THSD7A: variants seen among roughly 807,000 people sequenced by gnomAD.
THSD7A encodes thrombospondin type-1 domain-containing protein 7A.
Under a neutral mutation model 231.3 loss-of-function variants are expected in THSD7A, and 96 were observed. The observed-to-expected ratio is 0.41, with a 90% CI of 0.35 to 0.49. The LOEUF (loss-of-function observed/expected upper bound fraction) is 0.49. Ranked by LOEUF, THSD7A falls within the 20% of genes least tolerant of loss-of-function variation. THSD7A has a pLI of 0.05. For missense variants in THSD7A, 2,290 were observed against 2,070.2 expected (o/e 1.11, Z -2.06); for synonymous variants, 940 against 743.3 (o/e 1.26, Z -4.30).
chr7:11,379,376 T>C (rs1369051565), intron 25 of THSD7A, 96 bp from the exon 26 acceptor site: 2 of 1,257,772 alleles, frequency 1.6e-6, no homozygotes, highest in African/African-American at 3.0e-5. Flanking sequence ...CAAGGTTTGT[T>C]TTGGGAATTA....
Position 11,459,951 on chromosome 7 carries a change from T to C in THSD7A, c.2605+711A>G, listed in dbSNP as rs151166963. On this transcript the variant is annotated intron_variant, in intron 11 of 27. Transcript: ENST00000423059. ...AGGAGCTGTATGCTATAAGTCAATA[T>C]GAGTAAAAATAATCATGTGCTCTTT... Among the ~76,000 whole-genome samples, 471 of 152,194 alleles carry C rather than the reference T, an allele frequency of 3.1e-3. 2 individuals are homozygous for C. Among genetic ancestry groups the C allele is most frequent in the African/African-American group, 0.011 (459 of 41,550 alleles).
At chr7:11,687,709 G>T (rs1780101915) in intron 1 of THSD7A, among the ~76,000 whole-genome samples, 1 of 151,830 alleles carries the variant, frequency 6.6e-6, no homozygotes, top group Non-Finnish European at 1.5e-5. Context: ...TAGAATGCCA[G>T]TGTCAAATAT....
At chr7:11,562,265 T>A (rs1037172949) in intron 4 of THSD7A, among the ~76,000 whole-genome samples, 1 of 147,836 alleles carries the variant, frequency 6.8e-6, no homozygotes, top group Non-Finnish European at 1.5e-5. Flanking sequence ...TTTTTCTAAA[T>A]CATAAAAATA....
intron 1 of THSD7A, among the ~76,000 whole-genome samples, chr7:11,826,812 C>CAAAAAAAA (rs3037773): frequency 8.3e-6 from 1 of 120,796 alleles, no homozygotes. Flanking sequence ...GCCTCTGTCT[C>CAAAAAAAA]AAAAAAAAAA....
intron 1 of THSD7A, among the ~76,000 whole-genome samples, chr7:11,771,799 C>T (rs1317387629): frequency 1.4e-4 from 21 of 152,210 alleles, no homozygotes; most frequent in African/African-American, 2.4e-4. Flanking sequence ...TGGATCATGG[C>T]GGTAGATCTT....
chr7:11,592,368 C>T (rs530140899), intron 3 of THSD7A, among the ~76,000 whole-genome samples: 1 of 152,194 alleles, frequency 6.6e-6, no homozygotes, highest in South Asian at 2.1e-4. Context: ...TGGAATAATC[C>T]AGAGATGCTC....
intron 1 of THSD7A, among the ~76,000 whole-genome samples, chr7:11,775,272 A>G (rs1334462523): frequency 1.3e-5 from 2 of 152,200 alleles, no homozygotes; most frequent in African/African-American, 2.4e-5. Flanking sequence ...AGCAGCCTCT[A>G]TGAACAACAG....
At position 11,710,159 on chromosome 7, in the gene THSD7A, G is replaced by A. The variant is rs538880752; in HGVS notation, c.191-73198C>T. 4.0e-5 allele frequency among the ~76,000 whole-genome samples: 6 copies of A among 150,820 alleles called. No homozygotes were observed. In the East Asian group the frequency reaches 1.2e-3, roughly 30 times the overall value. ...GTGGTTTCAGTAAGTATAGGGTGAA[G>A]CCTAAGAATCTGCATTTTTAACAAG... On this transcript the variant is annotated intron_variant, in intron 1 of 27. Coordinates refer to ENST00000423059, the MANE Select transcript of THSD7A (RefSeq NM_015204.3).
intron 1 of THSD7A, among the ~76,000 whole-genome samples, chr7:11,645,782 C>T (rs764167698): frequency 6.6e-6 from 1 of 151,642 alleles, no homozygotes; most frequent in African/African-American, 2.4e-5. Flanking sequence ...TTACATCAAG[C>T]AGTAGATATA....
At chr7:11,493,499 G>T (rs2128308145) in intron 6 of THSD7A, among the ~76,000 whole-genome samples, 1 of 152,148 alleles carries the variant, frequency 6.6e-6, no homozygotes, top group South Asian at 2.1e-4. Flanking sequence ...CATTTTTAAA[G>T]GTCCCTAATG....
At position 11,632,235 on chromosome 7, in the gene THSD7A, C is replaced by G. The variant is rs886913123; in HGVS notation, c.1022+3895G>C. ...TAACAATGTACAGTTGGTATATTTA[C>G]TAAATATTCTAGACAAGCACAACTA... On this transcript the variant is annotated intron_variant, in intron 2 of 27. Transcript: ENST00000423059. This position sits in a 1 kb window ranked among gnomAD's most constrained non-coding sequence, Gnocchi z 4.1. Among the ~76,000 whole-genome samples, 1 of 152,034 alleles carries G rather than the reference C, an allele frequency of 6.6e-6. No homozygotes were observed. The highest frequency in any genetic ancestry group is 1.5e-5 in the Non-Finnish European group (1 of 67,998).
chr7:11,617,941 C>T (rs559496066), intron 2 of THSD7A, among the ~76,000 whole-genome samples: 1 of 152,090 alleles, frequency 6.6e-6, no homozygotes, highest in Non-Finnish European at 1.5e-5. Context: ...ACATATGTAA[C>T]AAACCTGCAC....
chr7:11,392,527 G>A (rs1384499349), intron 23 of THSD7A, among the ~76,000 whole-genome samples: 1 of 152,106 alleles, frequency 6.6e-6, no homozygotes, highest in African/African-American at 2.4e-5. Flanking sequence ...GCACCAGCAG[G>A]ACCGAACTAT....
chr7:11,567,611 C>G (rs1361766792), intron 4 of THSD7A, among the ~76,000 whole-genome samples: 1 of 152,118 alleles, frequency 6.6e-6, no homozygotes, highest in African/African-American at 2.4e-5. Context: ...TTAAAACTAC[C>G]GATAGCTGGA....
Position 11,447,425 on chromosome 7 carries a change from C to A in THSD7A, c.2606-1G>T. The A allele has an allele frequency of 6.5e-7, 1 of 1,547,904 alleles. No homozygotes were observed. The highest frequency in any genetic ancestry group is 1.2e-5 in the South Asian group (1 of 81,124). ...CCATCTTGCTTGCGACAAGTAATGG[C>A]TAAAAGAAAAGCATAAAGCTGTTAT... On this transcript the variant is annotated splice_acceptor_variant, in intron 11 of 27. Transcript: ENST00000423059. LOFTEE classifies it high-confidence loss of function.
chr7:11,498,312 G>C (rs1005453120), intron 6 of THSD7A, among the ~76,000 whole-genome samples: 26 of 152,140 alleles, frequency 1.7e-4, no homozygotes, highest in African/African-American at 6.3e-4. Context: ...TTTAGGCTTT[G>C]GAGATGTGAA....
At chr7:11,407,285 T>C (rs1783618311) in intron 20 of THSD7A, 21 bp downstream of exon 20, 3 of 1,584,712 alleles carry the variant, frequency 1.9e-6, no homozygotes, top group South Asian at 1.1e-5. Flanking sequence ...TAGCCTAATA[T>C]AAGTTATGGT....
intron 1 of THSD7A, among the ~76,000 whole-genome samples, chr7:11,740,497 C>A (rs1782076653): frequency 2.0e-5 from 3 of 151,904 alleles, no homozygotes; most frequent in Admixed American, 2.0e-4. Flanking sequence ...TAATATTCTC[C>A]AGCTGTGGTG....
chr7:11,383,726 T>C (rs1782616907), intron 23 of THSD7A: 2 of 152,020 alleles, frequency 1.3e-5, no homozygotes, highest in African/African-American at 4.8e-5. Context: ...TTCAGGACAT[T>C]TGGATCTCCT....
Sources: gnomAD v4.1 joint callset for allele counts (sites outside exome capture counted in the v4.1 genomes callset) on GRCh38, gnomAD v4.1.1 for gene constraint, Gnocchi (gnomAD v3.1) non-coding constraint, MANE v1.5 for transcripts, NCBI Gene and HGNC (gene_info 2026-07-23, HGNC 2026-07-21) for gene names.